Variants in EEFSEC observed in about 807,000 individuals in gnomAD.
EEFSEC encodes eukaryotic elongation factor, selenocysteine-tRNA specific.
A neutral mutation model predicts 42.1 loss-of-function variants in EEFSEC; 43 were observed. That is an observed-to-expected ratio of 1.02 (90% CI 0.80 to 1.32). The LOEUF (loss-of-function observed/expected upper bound fraction) is 1.32. EEFSEC is among the 40% of genes most tolerant of loss of function. EEFSEC has a pLI of 0.00. For missense variants in EEFSEC, 745 were observed against 803.6 expected (o/e 0.93, Z 0.88); for synonymous variants, 354 against 339.1 (o/e 1.04, Z -0.48).
Position 128,408,561 on chromosome 3 carries a change from C to T in EEFSEC, c.*302C>T, listed in dbSNP as rs531006243. On this transcript the variant is annotated 3_prime_UTR_variant, in exon 7 of 7. Coordinates refer to ENST00000254730, the MANE Select transcript of EEFSEC (RefSeq NM_021937.5). ...ATCTTCCACTGCCCCATCTGTTGGC[C>T]ACCTGCAGGCCAGTCTCAACCCTCC... The T allele has an allele frequency of 1.6e-5, 5 of 304,378 alleles. No homozygotes were observed. The East Asian group carries it at 2.6e-4, about 16-fold the overall frequency. 18.9% of individuals were successfully genotyped at this position (304,378 alleles called of 1,614,324 possible).
At chr3:128,361,722 G>A (rs2067527579) in intron 6 of EEFSEC, among the ~76,000 whole-genome samples, 1 of 152,174 alleles carries the variant, frequency 6.6e-6, no homozygotes, top group Admixed American at 6.5e-5. Flanking sequence ...TCTCAAGGTT[G>A]GAAAGCCCCG....
At position 128,341,413 on chromosome 3, in the gene EEFSEC, C is replaced by A. The variant is rs2067250451; in HGVS notation, c.967C>A (p.Pro323Thr). ...GGCCCTCATCTCTGTGGAAAAGATA[C>A]CGTATTTCCGGGGGCCCCTGCAAAC... ...HAALISVEKI[P>T]YFRGPLQTKA... Residue 323 changes from proline to threonine, a missense_variant, in exon 5 of 7, where the codon CCG (proline) becomes ACG (threonine). Coordinates refer to ENST00000254730, the MANE Select transcript of EEFSEC (RefSeq NM_021937.5). 3 of 1,614,048 alleles carry A rather than the reference C, an allele frequency of 1.9e-6. No individual in the cohort carries two copies. The highest frequency in any genetic ancestry group is 8.5e-7 in the Non-Finnish European group (1 of 1,180,040).
chr3:128,423,209 T>A, the EEFSEC span, among the ~76,000 whole-genome samples: 1 of 152,120 alleles, frequency 6.6e-6, no homozygotes, highest in Non-Finnish European at 1.5e-5. Flanking sequence ...TAACATAAAG[T>A]TACTGCCAAA....
chr3:128,198,326 A>G (rs1299536045), intron 1 of EEFSEC, among the ~76,000 whole-genome samples: 1 of 152,240 alleles, frequency 6.6e-6, no homozygotes. Context: ...ATAAGTTTAC[A>G]TCTTACAGTG....
rs1224258744 is a variant in EEFSEC at position 128,317,868 on chromosome 3, C to T, written c.787-23365C>T. On this transcript the variant is annotated intron_variant, in intron 4 of 6. Transcript: ENST00000254730. The surrounding 1 kb of genome is among the most constrained non-coding windows in gnomAD (Gnocchi z 4.1). ...TGTCCCCTCCTCTCTGAGGTTTCCT[C>T]CCAGTTCCCTGCCAGGTGGTAACCA... 6.6e-6 allele frequency among the ~76,000 whole-genome samples: 1 copy of T among 152,266 alleles called. No individual in the cohort carries two copies. Among genetic ancestry groups the T allele is most frequent in the African/African-American group, 2.4e-5 (1 of 41,470 alleles).
At position 128,217,857 on chromosome 3, in the gene EEFSEC, C is replaced by T. The variant is rs74822107; in HGVS notation, c.317-28979C>T. Among the ~76,000 whole-genome samples, 7 of 152,304 alleles carry T rather than the reference C, an allele frequency of 4.6e-5. No individual in the cohort carries two copies. The East Asian group carries it at 9.6e-4, about 21-fold the overall frequency. On this transcript the variant is annotated intron_variant, in intron 1 of 6. Coordinates refer to ENST00000254730, the MANE Select transcript of EEFSEC (RefSeq NM_021937.5). Reference sequence around the variant, plus strand: ...TCAAATATTAATTAGGGAACATCTTCTATATTTCAGGGTTTGTGCCTGGAA... The same window carrying T: ...TCAAATATTAATTAGGGAACATCTTTTATATTTCAGGGTTTGTGCCTGGAA...
intron 4 of EEFSEC, among the ~76,000 whole-genome samples, chr3:128,327,875 A>C (rs893038799): frequency 6.6e-6 from 1 of 152,172 alleles, no homozygotes; most frequent in Non-Finnish European, 1.5e-5. Context: ...AGTGAGGCCC[A>C]GTGACCAGAA....
chr3:128,285,528 G>A lies in EEFSEC; in HGVS notation c.786+20747G>A, dbSNP rs374070062. ...GGAGGGCCAGGGCTGGAGCACTGCC[G>A]TGTCCCCTCCTCCTCACCACCTGTA... On this transcript the variant is annotated intron_variant, in intron 4 of 6. Coordinates refer to ENST00000254730, the MANE Select transcript of EEFSEC (RefSeq NM_021937.5). Among the ~76,000 whole-genome samples the A allele has an allele frequency of 9.2e-5, 14 of 152,240 alleles. No individual in the cohort carries two copies. The South Asian group carries it at 2.1e-3, about 23-fold the overall frequency.
chr3:128,153,598 G>A lies in EEFSEC; in HGVS notation c.91G>A (p.Ala31Thr), dbSNP rs771368528. 2.1e-5 allele frequency: 33 copies of A among 1,589,212 alleles called. No individual in the cohort carries two copies. The highest frequency in any genetic ancestry group is 3.4e-5 in the Admixed American group (2 of 58,938). Reference sequence around the variant, plus strand: ...GCTGGCGCGGGCGCTAAGCACCACAGCCTCCACCGCCGCCTTTGACAAGCA... The same window carrying A: ...GCTGGCGCGGGCGCTAAGCACCACAACCTCCACCGCCGCCTTTGACAAGCA... Reference protein sequence around the residue: ...TALARALSTTASTAAFDKQPQ... With the variant: ...TALARALSTTTSTAAFDKQPQ... Residue 31 changes from alanine (A) to threonine (T), a missense_variant, in exon 1 of 7, where the codon GCC (alanine) becomes ACC (threonine). Transcript: ENST00000254730.
At chr3:128,263,098 C>G (rs1036213692) in intron 3 of EEFSEC, among the ~76,000 whole-genome samples, 1 of 152,196 alleles carries the variant, frequency 6.6e-6, no homozygotes. Flanking sequence ...GGTACAGTGC[C>G]ATGTCAGTGC....
At chr3:128,422,928 A>G in the EEFSEC span, among the ~76,000 whole-genome samples, 2 of 152,200 alleles carry the variant, frequency 1.3e-5, no homozygotes, top group Non-Finnish European at 2.9e-5. Context: ...CCTGCAGGCT[A>G]CTAGCCCTCC....
chr3:128,208,422 A>G (rs905958466), intron 1 of EEFSEC, among the ~76,000 whole-genome samples: 1 of 152,220 alleles, frequency 6.6e-6, no homozygotes, highest in African/African-American at 2.4e-5. Flanking sequence ...TATGGGGCTC[A>G]TAGTCTAGAG....
intron 1 of EEFSEC, among the ~76,000 whole-genome samples, chr3:128,187,266 C>G (rs2065475282): frequency 6.6e-6 from 1 of 152,176 alleles, no homozygotes; most frequent in Admixed American, 6.5e-5. Flanking sequence ...CCAAGATGTA[C>G]TAAACAAGTT....
At chr3:128,316,113 TG>T (rs1331002386) in intron 4 of EEFSEC, among the ~76,000 whole-genome samples, 1 of 152,258 alleles carries the variant, frequency 6.6e-6, no homozygotes, top group Non-Finnish European at 1.5e-5. Flanking sequence ...GCAGAGGTAT[TG>T]CTGCTTGTTT....
chr3:128,214,421 C>G (rs1348267341), intron 1 of EEFSEC, among the ~76,000 whole-genome samples: 3 of 152,104 alleles, frequency 2.0e-5, no homozygotes, highest in Non-Finnish European at 4.4e-5. Context: ...GAAGTCCTTG[C>G]TGACTTTTCA....
At chr3:128,216,693 G>T (rs1488241098) in intron 1 of EEFSEC, among the ~76,000 whole-genome samples, 1 of 152,260 alleles carries the variant, frequency 6.6e-6, no homozygotes. Flanking sequence ...TGAATTGCTT[G>T]CAAGAGCCTC....
chr3:128,382,139 A>T, intron 6 of EEFSEC, among the ~76,000 whole-genome samples: 1 of 152,224 alleles, frequency 6.6e-6, no homozygotes. Context: ...GTCAGGAAGA[A>T]GAAAGCACTG....
intron 1 of EEFSEC, among the ~76,000 whole-genome samples, chr3:128,240,265 A>AGGGG (rs1322781903): frequency 6.6e-6 from 1 of 152,198 alleles, no homozygotes; most frequent in East Asian, 1.9e-4. Flanking sequence ...GCCCAGGTTC[A>AGGGG]GTGCTCACAG....
chr3:128,162,226 C>T (rs919626820), intron 1 of EEFSEC, among the ~76,000 whole-genome samples: 6 of 152,324 alleles, frequency 3.9e-5, no homozygotes, highest in African/African-American at 9.6e-5. Context: ...TTCTCTTCTT[C>T]ACTGAAAGGT....
Sources: gnomAD v4.1 joint callset for allele counts (sites outside exome capture counted in the v4.1 genomes callset) on GRCh38, gnomAD v4.1.1 for gene constraint, Gnocchi (gnomAD v3.1) non-coding constraint, MANE v1.5 for transcripts, NCBI Gene and HGNC (gene_info 2026-07-23, HGNC 2026-07-21) for gene names.